Variants in CORO2B observed in about 807,000 individuals in gnomAD.
The protein encoded by CORO2B is coronin-2B.
Under a neutral mutation model 58.8 loss-of-function variants are expected in CORO2B, and 26 were observed. That is an observed-to-expected ratio of 0.44 (90% CI 0.32 to 0.61). The LOEUF is 0.61. Among genes scored for constraint, CORO2B ranks in the 20% least tolerant of loss-of-function variants. The pLI, the probability that CORO2B is intolerant of heterozygous loss-of-function variation, is 0.04. For synonymous variants in CORO2B, 242 were observed against 253.8 expected (o/e 0.95, Z 0.44); for missense variants, 460 against 645.1 (o/e 0.71, Z 3.11).
chr15:68,686,109 C>T (rs1341319847), intron 2 of CORO2B, among the ~76,000 whole-genome samples: 4 of 145,412 alleles, frequency 2.8e-5, no homozygotes, highest in African/African-American at 1.0e-4. Flanking sequence ...GCAACCTTGG[C>T]TCATTGCAAC....
At chr15:68,566,297 G>A in the CORO2B span, among the ~76,000 whole-genome samples, 1 of 152,122 alleles carries the variant, frequency 6.6e-6, no homozygotes, top group Non-Finnish European at 1.5e-5. Context: ...TGATAGGAGA[G>A]GAAACAGGCC....
At chr15:68,685,448 G>A (rs1466759120) in intron 2 of CORO2B, among the ~76,000 whole-genome samples, 3 of 152,220 alleles carry the variant, frequency 2.0e-5, no homozygotes, top group Non-Finnish European at 4.4e-5. Context: ...CTGAGGTCAG[G>A]TGATCTGCCC....
the CORO2B span, chr15:68,559,484 G>GT: frequency 3.8e-6 from 2 of 529,318 alleles, no homozygotes; most frequent in Non-Finnish European, 4.8e-6. This position sits in a 1 kb window ranked among gnomAD's most constrained non-coding sequence, Gnocchi z 4.3. Flanking sequence ...CTTGAGTCTG[G>GT]GAACGGAGAA....
chr15:68,625,574 C>A (rs186876662), intron 1 of CORO2B, among the ~76,000 whole-genome samples: 2 of 152,038 alleles, frequency 1.3e-5, no homozygotes, highest in Non-Finnish European at 2.9e-5. Flanking sequence ...CTTGTGCACT[C>A]CGTTACAGGT....
the CORO2B span, among the ~76,000 whole-genome samples, chr15:68,540,307 T>C: frequency 7.9e-3 from 1,198 of 152,358 alleles, 19 homozygotes; most frequent in African/African-American, 0.027. Flanking sequence ...CCCATCACAA[T>C]GTATTGGGAA....
rs76206045 is a variant in CORO2B at position 68,686,669 on chromosome 15, C to A, written c.217-8471C>A. 3.0e-3 allele frequency among the ~76,000 whole-genome samples: 457 copies of A among 152,138 alleles called. 14 individuals carry two copies. The East Asian group carries it at 0.079, about 26-fold the overall frequency. The stretch of plus-strand genomic sequence containing the variant: ...ATCCCAGCACTTTGGGAGGTTGAGG[C>A]GGGTGGATCACCTGAGGTCAGGAGT... On this transcript the variant is annotated intron_variant, in intron 2 of 11. Coordinates refer to ENST00000261861, the MANE Select transcript of CORO2B (RefSeq NM_006091.5).
At chr15:68,562,949 C>G in the CORO2B span, among the ~76,000 whole-genome samples, 1 of 149,350 alleles carries the variant, frequency 6.7e-6, no homozygotes, top group Non-Finnish European at 1.5e-5. Flanking sequence ...TGCACTCCAG[C>G]CTGGGCGACA....
intron 1 of CORO2B, among the ~76,000 whole-genome samples, chr15:68,613,168 T>C (rs1342319097): frequency 1.3e-5 from 2 of 152,212 alleles, no homozygotes; most frequent in African/African-American, 4.8e-5. Flanking sequence ...GCCAACACTT[T>C]ATCGCATGAC....
At chr15:68,581,315 C>T (rs986553432) in intron 1 of CORO2B, among the ~76,000 whole-genome samples, 9 of 152,188 alleles carry the variant, frequency 5.9e-5, no homozygotes, top group African/African-American at 2.2e-4. Flanking sequence ...AAATCCCCAC[C>T]TTAACCCTAT....
rs914126691 is a variant in CORO2B at position 68,657,694 on chromosome 15, A to G, written c.216+12334A>G. On this transcript the variant is annotated intron_variant, in intron 2 of 11. Transcript: ENST00000261861. ...TTTTGAGTTAATAGTAGCAGAAGTT[A>G]TCTGAAAATATCTGTGATACCTGTT... Among the ~76,000 whole-genome samples, 3 of 152,224 alleles carry G rather than the reference A, an allele frequency of 2.0e-5. No homozygotes were observed. In the East Asian group the frequency reaches 5.8e-4, roughly 29 times the overall value.
chr15:68,567,899 A>T, the CORO2B span, among the ~76,000 whole-genome samples: 1 of 152,340 alleles, frequency 6.6e-6, no homozygotes, highest in East Asian at 1.9e-4. Context: ...AGGCGCCTGT[A>T]ATCCCAGCTA....
chr15:68,581,504 G>T (rs1268112479), intron 1 of CORO2B, among the ~76,000 whole-genome samples: 1 of 152,180 alleles, frequency 6.6e-6, no homozygotes, highest in African/African-American at 2.4e-5. Flanking sequence ...CTGGCCCCTA[G>T]TCCTAAATTA....
At chr15:68,638,254 T>C (rs1491636) in intron 1 of CORO2B, among the ~76,000 whole-genome samples, 101,610 of 149,266 alleles carry the variant, frequency 0.68, 35,148 homozygotes, top group African/African-American at 0.84. Flanking sequence ...CCTGACCTCC[T>C]CAAGTAAACA....
At chr15:68,657,610 A>G (rs1025482244) in intron 2 of CORO2B, among the ~76,000 whole-genome samples, 1 of 151,534 alleles carries the variant, frequency 6.6e-6, no homozygotes, top group African/African-American at 2.4e-5. Flanking sequence ...ATTACGCCCC[A>G]TGATTGAGTG....
intron 3 of CORO2B, among the ~76,000 whole-genome samples, chr15:68,699,748 G>T (rs1332601173): frequency 6.6e-6 from 1 of 152,152 alleles, no homozygotes; most frequent in East Asian, 1.9e-4. Context: ...GACCCTAAGG[G>T]AGGTGCCTTG....
chr15:68,599,655 A>G (rs1456265933), intron 1 of CORO2B, among the ~76,000 whole-genome samples: 4 of 152,006 alleles, frequency 2.6e-5, no homozygotes, highest in Admixed American at 2.6e-4. Context: ...ATTCTAAAGG[A>G]GGGAATGCAC....
intron 2 of CORO2B, among the ~76,000 whole-genome samples, chr15:68,673,081 C>T (rs1225151240): frequency 6.6e-6 from 1 of 152,128 alleles, no homozygotes; most frequent in African/African-American, 2.4e-5. Context: ...GAATGGGGGC[C>T]ACTGTGAGTG....
intron 1 of CORO2B, chr15:68,631,845 A>G: frequency 1.6e-6 from 1 of 624,832 alleles, no homozygotes; most frequent in Non-Finnish European, 2.0e-6. Flanking sequence ...CTGCACAAAG[A>G]CAGCCCCTCC....
chr15:68,676,145 G>A (rs1401854752), intron 2 of CORO2B, among the ~76,000 whole-genome samples: 1 of 152,216 alleles, frequency 6.6e-6, no homozygotes. Flanking sequence ...GTGTTTGTGT[G>A]TGCAAGGGCA....
Sources: gnomAD v4.1 joint callset for allele counts (sites outside exome capture counted in the v4.1 genomes callset) on GRCh38, gnomAD v4.1.1 for gene constraint, Gnocchi (gnomAD v3.1) non-coding constraint, MANE v1.5 for transcripts, NCBI Gene and HGNC (gene_info 2026-07-23, HGNC 2026-07-21) for gene names.